MAP2K1: variants seen among roughly 807,000 people sequenced by gnomAD.
The protein encoded by MAP2K1 is mitogen-activated protein kinase kinase 1.
MAP2K1 carries 16 observed loss-of-function variants against 46.3 expected under a neutral mutation model. That is an observed-to-expected ratio of 0.35 (90% CI 0.23 to 0.52). MAP2K1 has a LOEUF of 0.52. MAP2K1 is among the 20% of genes least tolerant of loss of function. The pLI is 0.94. For synonymous variants in MAP2K1, 183 were observed against 185.6 expected (o/e 0.99, Z 0.11); for missense variants, 263 against 497.1 (o/e 0.53, Z 4.48).
intron 5 of MAP2K1, among the ~76,000 whole-genome samples, chr15:66,449,810 G>A (rs1415135946): frequency 6.6e-6 from 1 of 152,116 alleles, no homozygotes; most frequent in African/African-American, 2.4e-5. Context: ...GAACCTGGGA[G>A]GCAGAGGTTG....
chr15:66,471,369 G>A (rs1476673212), intron 5 of MAP2K1, among the ~76,000 whole-genome samples: 1 of 152,150 alleles, frequency 6.6e-6, no homozygotes, highest in Non-Finnish European at 1.5e-5. Flanking sequence ...TGAGTACTTA[G>A]TACCTGCCAG....
At chr15:66,424,634 T>A (rs925728316) in intron 1 of MAP2K1, among the ~76,000 whole-genome samples, 6 of 152,144 alleles carry the variant, frequency 3.9e-5, no homozygotes, top group Admixed American at 1.3e-4. Context: ...TTTCTACTGC[T>A]TCTTCAGCTC....
At chr15:66,454,128 G>A (rs1024810108) in intron 5 of MAP2K1, among the ~76,000 whole-genome samples, 1 of 151,978 alleles carries the variant, frequency 6.6e-6, no homozygotes. Context: ...AGTAGCAAGA[G>A]GGGGTAAACC....
At chr15:66,395,592 T>TTTTTTG (rs71139492) in intron 1 of MAP2K1, among the ~76,000 whole-genome samples, 1 of 72,970 alleles carries the variant, frequency 1.4e-5, no homozygotes, top group Non-Finnish European at 3.0e-5. Flanking sequence ...TTTTTTTTTT[T>TTTTTTG]GAGACGGAGT....
chr15:66,416,386 C>A (rs1352126821), intron 1 of MAP2K1, among the ~76,000 whole-genome samples: 2 of 152,040 alleles, frequency 1.3e-5, no homozygotes, highest in East Asian at 3.9e-4. Flanking sequence ...ACACACCCAC[C>A]TTTCAGACTG....
At chr15:66,477,645 C>T (rs1375087321) in intron 5 of MAP2K1, among the ~76,000 whole-genome samples, 1 of 152,218 alleles carries the variant, frequency 6.6e-6, no homozygotes, top group African/African-American at 2.4e-5. Flanking sequence ...GCTTCTGTCT[C>T]ACTAGCCAGT....
At chr15:66,466,760 C>T (rs890952120) in intron 5 of MAP2K1, among the ~76,000 whole-genome samples, 1 of 152,154 alleles carries the variant, frequency 6.6e-6, no homozygotes, top group Admixed American at 6.6e-5. Flanking sequence ...CACAAAGAAT[C>T]AGCAGCATTT....
intron 1 of MAP2K1, among the ~76,000 whole-genome samples, chr15:66,415,703 G>T (rs1019586560): frequency 7.9e-5 from 12 of 152,160 alleles, no homozygotes; most frequent in African/African-American, 2.9e-4. Flanking sequence ...ATATAAAACT[G>T]ATCTTGTCAC....
chr15:66,435,269 T>G (rs756991181), intron 2 of MAP2K1, 32 bp downstream of exon 2: 2 of 1,572,370 alleles, frequency 1.3e-6, no homozygotes, highest in South Asian at 1.1e-5. Flanking sequence ...GGTAATTGGA[T>G]TATTTCTCAG....
Position 66,406,375 on chromosome 15 carries a change from A to G in MAP2K1, c.80+18948A>G, listed in dbSNP as rs80293009. Among the ~76,000 whole-genome samples the G allele has an allele frequency of 3.3e-5, 5 of 152,322 alleles. No individual in the cohort carries two copies. The East Asian group carries it at 9.7e-4, about 29-fold the overall frequency. On this transcript the variant is annotated intron_variant, in intron 1 of 10. Transcript: ENST00000307102. ...TGCAAATGTCCTTTTAGTAGATGCT[A>G]TTAAAAGGCATTTAAATTATACACT...
At chr15:66,394,532 T>C (rs1467644123) in intron 1 of MAP2K1, among the ~76,000 whole-genome samples, 3 of 147,502 alleles carry the variant, frequency 2.0e-5, no homozygotes, top group African/African-American at 7.4e-5. Flanking sequence ...TGGTGCTCAC[T>C]ATAACCTTGA....
At chr15:66,454,242 T>C (rs918366504) in intron 5 of MAP2K1, among the ~76,000 whole-genome samples, 2 of 152,224 alleles carry the variant, frequency 1.3e-5, no homozygotes, top group South Asian at 2.1e-4. Flanking sequence ...AAAAGTAGAG[T>C]GAAGTCTCCA....
At chr15:66,409,162 G>A (rs74397736) in intron 1 of MAP2K1, among the ~76,000 whole-genome samples, 30,886 of 151,976 alleles carry the variant, frequency 0.2, 3,826 homozygotes, top group Middle Eastern at 0.32. Context: ...CATGTGGGAT[G>A]TATGTTATCT....
intron 5 of MAP2K1, among the ~76,000 whole-genome samples, chr15:66,466,138 A>G (rs1426882942): frequency 6.6e-6 from 1 of 152,186 alleles, no homozygotes; most frequent in Non-Finnish European, 1.5e-5. Context: ...AGGGGCTTTT[A>G]TTGGCTTTAT....
intron 1 of MAP2K1, among the ~76,000 whole-genome samples, chr15:66,420,507 T>G (rs1045323505): frequency 2.7e-5 from 4 of 148,304 alleles, no homozygotes; most frequent in Non-Finnish European, 6.0e-5. Flanking sequence ...GAGCTGTGAC[T>G]GCACTGCTGC....
chr15:66,403,849 C>T (rs1443666527), intron 1 of MAP2K1, among the ~76,000 whole-genome samples: 1 of 152,112 alleles, frequency 6.6e-6, no homozygotes, highest in African/African-American at 2.4e-5. Context: ...ATTATTTGCC[C>T]CCTTTGCTGC....
At chr15:66,481,711 T>C (rs780574358) in intron 5 of MAP2K1, 44 bp from the exon 6 acceptor site, 29 of 1,605,250 alleles carry the variant, frequency 1.8e-5, no homozygotes, top group Non-Finnish European at 2.5e-5. Flanking sequence ...TTCCCCAATC[T>C]ACCTGTGTCA....
intron 5 of MAP2K1, among the ~76,000 whole-genome samples, chr15:66,449,737 C>T (rs1317844247): frequency 2.6e-5 from 4 of 151,902 alleles, no homozygotes; most frequent in South Asian, 2.1e-4. Context: ...AAAATTAAGC[C>T]GGGTGTGGTG....
At chr15:66,433,466 C>A (rs2140575723) in intron 1 of MAP2K1, among the ~76,000 whole-genome samples, 1 of 152,194 alleles carries the variant, frequency 6.6e-6, no homozygotes, top group East Asian at 1.9e-4. Context: ...CATGGCCTTT[C>A]TTTGATGTGT....
Sources: allele counts gnomAD v4.1 joint callset (sites outside exome capture counted in the v4.1 genomes callset), GRCh38; gene constraint gnomAD v4.1.1; transcripts MANE v1.5; gene names NCBI Gene and HGNC (gene_info 2026-07-23, HGNC 2026-07-21).